Variants in GRB10 observed in about 807,000 individuals in gnomAD.
GRB10 encodes growth factor receptor-bound protein 10.
A neutral mutation model predicts 80.9 loss-of-function variants in GRB10; 20 were observed. That is an observed-to-expected ratio of 0.25 (90% CI 0.17 to 0.36). GRB10 has a LOEUF of 0.36. Ranked by LOEUF, GRB10 falls within the 10% of genes least tolerant of loss-of-function variation. GRB10 has a pLI of 1.00. For missense variants in GRB10, 548 were observed against 747.7 expected (o/e 0.73, Z 3.12); for synonymous variants, 291 against 291.5 (o/e 1.00, Z 0.02).
chr7:50,725,637 T>G (rs1226647889), intron 4 of GRB10, among the ~76,000 whole-genome samples: 1 of 152,232 alleles, frequency 6.6e-6, no homozygotes, highest in Non-Finnish European at 1.5e-5. Context: ...AAGGGAAAGT[T>G]GATTACTAAC....
chr7:50,711,327 C>T (rs940910336), intron 4 of GRB10, among the ~76,000 whole-genome samples: 1 of 151,960 alleles, frequency 6.6e-6, no homozygotes, highest in Non-Finnish European at 1.5e-5. Context: ...AGACGCAATC[C>T]TACACGACCC....
chr7:50,685,323 A>G (rs2061992634), intron 5 of GRB10, among the ~76,000 whole-genome samples: 1 of 152,232 alleles, frequency 6.6e-6, no homozygotes, highest in East Asian at 1.9e-4. Context: ...TAACATAGCA[A>G]GAAAGGACAG....
chr7:50,696,590 T>A (rs1385927658), intron 5 of GRB10, among the ~76,000 whole-genome samples: 2 of 152,148 alleles, frequency 1.3e-5, no homozygotes, highest in Non-Finnish European at 2.9e-5. Flanking sequence ...GACTTCAACA[T>A]CTCTTTTTCA....
intron 7 of GRB10, among the ~76,000 whole-genome samples, chr7:50,639,860 T>A (rs2055880435): frequency 6.6e-6 from 1 of 152,204 alleles, no homozygotes; most frequent in Non-Finnish European, 1.5e-5. Flanking sequence ...GCCATTTTTT[T>A]AAACTTTTCT....
At chr7:50,741,551 T>TAAAAAAA (rs752078809) in intron 3 of GRB10, among the ~76,000 whole-genome samples, 1 of 116,930 alleles carries the variant, frequency 8.6e-6, no homozygotes, top group Non-Finnish European at 1.8e-5. Flanking sequence ...AACATGTGTT[T>TAAAAAAA]AAAAAAAAAA....
intron 4 of GRB10, among the ~76,000 whole-genome samples, chr7:50,724,351 A>G (rs1249320225): frequency 2.0e-5 from 3 of 152,252 alleles, no homozygotes; most frequent in Non-Finnish European, 4.4e-5. Flanking sequence ...AAAGTAAAAT[A>G]AAACAAAAAT....
chr7:50,652,007 T>A (rs1333959714), intron 7 of GRB10, among the ~76,000 whole-genome samples: 3 of 152,220 alleles, frequency 2.0e-5, no homozygotes, highest in Admixed American at 6.5e-5. Flanking sequence ...AACCTCTTCA[T>A]CTCAGGCTTC....
chr7:50,674,355 C>G (rs529031019), intron 6 of GRB10, 81 bp downstream of exon 6: 35 of 1,353,422 alleles, frequency 2.6e-5, no homozygotes, highest in Non-Finnish European at 3.6e-5. Context: ...CCCCCCAACA[C>G]CATTTAACTC....
intron 5 of GRB10, among the ~76,000 whole-genome samples, chr7:50,701,008 T>C (rs747389404): frequency 6.6e-6 from 1 of 152,224 alleles, no homozygotes; most frequent in Admixed American, 6.5e-5. Flanking sequence ...ACTCCTACTA[T>C]CTTATTTTGT....
At chr7:50,743,745 C>T (rs1392603716) in intron 3 of GRB10, among the ~76,000 whole-genome samples, 1 of 152,178 alleles carries the variant, frequency 6.6e-6, no homozygotes, top group East Asian at 1.9e-4. Flanking sequence ...TTTTCACTTT[C>T]TAGGCACCCT....
chr7:50,686,686 C>T (rs2062140713), intron 5 of GRB10, among the ~76,000 whole-genome samples: 1 of 152,116 alleles, frequency 6.6e-6, no homozygotes, highest in South Asian at 2.1e-4. Flanking sequence ...ATTTTTTGAG[C>T]ACCTGCAAGG....
intron 8 of GRB10, among the ~76,000 whole-genome samples, chr7:50,622,739 G>A (rs777273808): frequency 1.3e-5 from 2 of 151,946 alleles, no homozygotes; most frequent in Non-Finnish European, 2.9e-5. Flanking sequence ...GGGGCATCAA[G>A]ATACTAGTTT....
chr7:50,613,766 A>C (rs1343561075), intron 12 of GRB10, among the ~76,000 whole-genome samples: 1 of 152,208 alleles, frequency 6.6e-6, no homozygotes. Flanking sequence ...GCTGGTGTGA[A>C]TTAGACGCCT....
Position 50,703,828 on chromosome 7 carries a change from A to T in GRB10, c.132T>A (p.Asn44Lys). 6.2e-7 allele frequency: 1 copy of T among 1,612,618 alleles called. No homozygotes were observed. The highest frequency in any genetic ancestry group is 8.5e-7 in the Non-Finnish European group (1 of 1,178,882). Residue 44 changes from asparagine (N) to lysine (K), a missense_variant, in exon 5 of 19, where the codon AAT becomes AAA. Around this residue, in one of 4 missense-constraint regions of GRB10, gnomAD observed 245 missense variants for 229.3 expected, o/e 1.07. Transcript: ENST00000401949. ...GTTTTGCTCATTCCTTACCCTGGTG[A>T]TTCGCAAGTCGGTCAGACTGTGCGG... ...GLPAQSDRLA[N>K]HQEDDVDLEA...
intron 5 of GRB10, among the ~76,000 whole-genome samples, chr7:50,682,998 T>C (rs944529268): frequency 1.3e-5 from 2 of 152,212 alleles, no homozygotes; most frequent in Admixed American, 6.5e-5. Context: ...AAATTGAAAG[T>C]AGGGACTTCA....
chr7:50,665,856 T>C (rs1172480831), intron 7 of GRB10, among the ~76,000 whole-genome samples: 1 of 152,128 alleles, frequency 6.6e-6, no homozygotes, highest in East Asian at 1.9e-4. Context: ...AGTAGCCCCC[T>C]TTGCGCCGGT....
chr7:50,602,620 T>C (rs1300010545), intron 17 of GRB10, among the ~76,000 whole-genome samples: 1 of 152,250 alleles, frequency 6.6e-6, no homozygotes, highest in African/African-American at 2.4e-5. Flanking sequence ...GACTATTTTA[T>C]ATCCAAGGAG....
chr7:50,777,323 T>C (rs1369566310), intron 2 of GRB10, among the ~76,000 whole-genome samples: 1 of 152,030 alleles, frequency 6.6e-6, no homozygotes, highest in Non-Finnish European at 1.5e-5. Flanking sequence ...TCCACTCTTA[T>C]GACTTAAACA....
chr7:50,674,314 T>C, intron 6 of GRB10, 122 bp downstream of exon 6: 3 of 950,484 alleles, frequency 3.2e-6, no homozygotes, highest in South Asian at 2.8e-5. Context: ...GCAATGTATC[T>C]GCCTCTTGAC....
Sources: gnomAD v4.1 joint callset for allele counts (sites outside exome capture counted in the v4.1 genomes callset) on GRCh38, gnomAD v4.1.1 for gene constraint, gnomAD v4.1.1 regional missense constraint, MANE v1.5 for transcripts, NCBI Gene and HGNC (gene_info 2026-07-23, HGNC 2026-07-21) for gene names.